Variants in KCNIP4 observed in about 807,000 individuals in gnomAD.
The protein encoded by KCNIP4 is Kv channel-interacting protein 4.
A neutral mutation model predicts 34.0 loss-of-function variants in KCNIP4; 12 were observed. The ratio of observed to expected loss-of-function variants is 0.35; its 90% CI spans 0.23 to 0.57. The LOEUF is 0.57. Ranked by LOEUF, KCNIP4 falls within the 20% of genes least tolerant of loss-of-function variation. KCNIP4 has a pLI of 0.83. For synonymous variants in KCNIP4, 124 were observed against 102.2 expected, an observed-to-expected ratio of 1.21 and a Z score of -1.29; for missense variants, 238 against 311.7, an observed-to-expected ratio of 0.76 and a Z score of 1.78.
chr4:20,835,676 T>C (rs1230766862), intron 3 of KCNIP4, among the ~76,000 whole-genome samples: 1 of 152,104 alleles, frequency 6.6e-6, no homozygotes. Context: ...CTTAGCTCTA[T>C]AAAATTATGT....
chr4:20,743,514 TG>T (rs1751677643), intron 5 of KCNIP4, among the ~76,000 whole-genome samples: 1 of 152,088 alleles, frequency 6.6e-6, no homozygotes, highest in Admixed American at 6.6e-5. Flanking sequence ...AAACAAGCAA[TG>T]GGGAAAGGAT....
intron 1 of KCNIP4, among the ~76,000 whole-genome samples, chr4:21,825,284 A>C (rs1308138318): frequency 2.0e-5 from 3 of 152,160 alleles, no homozygotes; most frequent in Non-Finnish European, 4.4e-5. Context: ...ATGAAAAAAA[A>C]AACCTGCAAC....
At chr4:20,982,625 G>T (rs972165543) in intron 1 of KCNIP4, among the ~76,000 whole-genome samples, 2 of 152,194 alleles carry the variant, frequency 1.3e-5, no homozygotes, top group Admixed American at 6.5e-5. Context: ...TTCTTATATT[G>T]TCTAAACAGT....
chr4:21,141,634 A>C (rs1238795103), intron 1 of KCNIP4, among the ~76,000 whole-genome samples: 1 of 152,296 alleles, frequency 6.6e-6, no homozygotes, highest in African/African-American at 2.4e-5. Context: ...CACGCTTACC[A>C]TAGAAGAACT....
At chr4:21,318,949 G>T (rs935456006) in intron 1 of KCNIP4, among the ~76,000 whole-genome samples, 1 of 152,070 alleles carries the variant, frequency 6.6e-6, no homozygotes, top group Non-Finnish European at 1.5e-5. Flanking sequence ...TGTTAAAAAG[G>T]TTGAACTCCA....
chr4:21,218,547 A>G (rs1371698149), intron 1 of KCNIP4, among the ~76,000 whole-genome samples: 1 of 152,180 alleles, frequency 6.6e-6, no homozygotes, highest in African/African-American at 2.4e-5. Context: ...AATGGGTCTC[A>G]GTTTTTATAT....
chr4:21,269,989 T>A (rs997119684), intron 1 of KCNIP4, among the ~76,000 whole-genome samples: 27 of 152,202 alleles, frequency 1.8e-4, no homozygotes, highest in Non-Finnish European at 1.2e-4. Flanking sequence ...ACTCTTCAAA[T>A]TTAGAGCAAA....
At chr4:20,881,949 A>G (rs1724732920) in intron 2 of KCNIP4, among the ~76,000 whole-genome samples, 1 of 152,216 alleles carries the variant, frequency 6.6e-6, no homozygotes, top group African/African-American at 2.4e-5. Context: ...TATGAATTTC[A>G]GACATGCCAG....
At chr4:21,506,488 A>G (rs1733855672) in intron 1 of KCNIP4, among the ~76,000 whole-genome samples, 1 of 152,244 alleles carries the variant, frequency 6.6e-6, no homozygotes, top group Non-Finnish European at 1.5e-5. Flanking sequence ...TAGTTAGTAC[A>G]TCTACTAAAA....
chr4:21,043,415 T>A (rs534653099), intron 1 of KCNIP4, among the ~76,000 whole-genome samples: 61 of 152,256 alleles, frequency 4.0e-4, no homozygotes, highest in Non-Finnish European at 8.2e-4. Flanking sequence ...CTGCAACATC[T>A]GCCTCCCGGG....
At chr4:21,562,303 A>C (rs1289307937) in intron 1 of KCNIP4, among the ~76,000 whole-genome samples, 1 of 152,040 alleles carries the variant, frequency 6.6e-6, no homozygotes, top group East Asian at 1.9e-4. Flanking sequence ...TAAAGGAGTC[A>C]GAATGAATGC....
intron 1 of KCNIP4, among the ~76,000 whole-genome samples, chr4:21,099,983 A>C (rs997643228): frequency 2.6e-5 from 4 of 152,196 alleles, no homozygotes; most frequent in Admixed American, 1.3e-4. Context: ...ACTACAATGG[A>C]TGAGAAGTTT....
chr4:20,794,716 G>C (rs1470327652), intron 3 of KCNIP4, among the ~76,000 whole-genome samples: 5 of 152,102 alleles, frequency 3.3e-5, no homozygotes, highest in Non-Finnish European at 7.4e-5. Flanking sequence ...TGGGTTATGC[G>C]ATATTTGCCT....
chr4:21,158,809 C>T (rs1560773639), intron 1 of KCNIP4, among the ~76,000 whole-genome samples: 1 of 151,936 alleles, frequency 6.6e-6, no homozygotes. Context: ...AAAAGAAATA[C>T]AGTATTGAGC....
chr4:21,236,770 G>A (rs1420351833), intron 1 of KCNIP4, among the ~76,000 whole-genome samples: 1 of 151,946 alleles, frequency 6.6e-6, no homozygotes, highest in Non-Finnish European at 1.5e-5. Context: ...AGCACTTTGG[G>A]AGGCTGAGGT....
intron 1 of KCNIP4, among the ~76,000 whole-genome samples, chr4:21,871,021 A>C (rs1441056886): frequency 6.6e-6 from 1 of 152,186 alleles, no homozygotes; most frequent in African/African-American, 2.4e-5. Context: ...GTGGTTGACA[A>C]AAATTCTCTC....
intron 1 of KCNIP4, among the ~76,000 whole-genome samples, chr4:21,396,285 G>A (rs1722990782): frequency 6.6e-6 from 1 of 151,922 alleles, no homozygotes; most frequent in African/African-American, 2.4e-5. Context: ...GCCGGGTGTG[G>A]TGGCTCACGC....
chr4:21,480,312 A>C (rs1460226619), intron 1 of KCNIP4, among the ~76,000 whole-genome samples: 1 of 152,160 alleles, frequency 6.6e-6, no homozygotes, highest in African/African-American at 2.4e-5. Context: ...TGATACTATA[A>C]AACAAACAAA....
chr4:20,786,180 A>T (rs1406481973), intron 3 of KCNIP4, among the ~76,000 whole-genome samples: 1 of 152,152 alleles, frequency 6.6e-6, no homozygotes, highest in African/African-American at 2.4e-5. Context: ...TACCCTACGT[A>T]AACTCACACA....
Sources: allele counts gnomAD v4.1 joint callset (sites outside exome capture counted in the v4.1 genomes callset), GRCh38; gene constraint gnomAD v4.1.1; transcripts MANE v1.5; gene names NCBI Gene and HGNC (gene_info 2026-07-23, HGNC 2026-07-21).